Variants in CMSS1 observed in about 807,000 individuals in gnomAD.
The protein encoded by CMSS1 is protein CMSS1.
In CMSS1, 33 loss-of-function variants were observed where a neutral mutation model predicts 43.5. The ratio of observed to expected loss-of-function variants is 0.76; its 90% CI spans 0.57 to 1.01. CMSS1 has a LOEUF of 1.01. CMSS1 is among the 50% of genes least tolerant of loss of function. The pLI is 0.00. For missense variants in CMSS1, 313 were observed against 326.4 expected (o/e 0.96, Z 0.32); for synonymous variants, 115 against 117.2 (o/e 0.98, Z 0.12).
chr3:99,973,108 CA>C (rs1339400808), intron 1 of CMSS1, among the ~76,000 whole-genome samples: 1 of 152,052 alleles, frequency 6.6e-6, no homozygotes, highest in Non-Finnish European at 1.5e-5. Context: ...AGATGAAGGG[CA>C]AAATGAGGCC....
intron 1 of CMSS1, among the ~76,000 whole-genome samples, chr3:100,124,563 G>C (rs551242901): frequency 6.6e-6 from 1 of 152,294 alleles, no homozygotes; most frequent in South Asian, 2.1e-4. Context: ...GTGATTAGGA[G>C]CCTGCAGCAA....
chr3:100,103,922 C>T (rs144272417), intron 1 of CMSS1, among the ~76,000 whole-genome samples: 8 of 152,266 alleles, frequency 5.3e-5, no homozygotes, highest in African/African-American at 1.4e-4. Context: ...ATCATGAGCA[C>T]GGGTCTGCCA....
intron 1 of CMSS1, among the ~76,000 whole-genome samples, chr3:99,897,593 C>G (rs958108623): frequency 2.0e-5 from 3 of 152,050 alleles, no homozygotes; most frequent in East Asian, 1.9e-4. Context: ...AATGGGATGC[C>G]TTATGATGGA....
Position 99,966,784 on chromosome 3 carries a change from G to A in CMSS1, c.64+148741G>A, listed in dbSNP as rs185504762. The stretch of plus-strand genomic sequence containing the variant: ...ATCTCTGTAAAGTTATATGGGCCAC[G>A]TATACAAGACGTAACTGAAGAAAAT... On this transcript the variant is annotated intron_variant, in intron 1 of 9. Transcript: ENST00000421999. Among the ~76,000 whole-genome samples, 544 of 152,270 alleles carry A rather than the reference G, an allele frequency of 3.6e-3. 7 individuals carry two copies. Among genetic ancestry groups the A allele is most frequent in the Non-Finnish European group, 5.3e-3 (362 of 68,038 alleles).
chr3:100,144,433 T>C (rs572396722), intron 1 of CMSS1, among the ~76,000 whole-genome samples: 2 of 152,302 alleles, frequency 1.3e-5, no homozygotes, highest in East Asian at 3.9e-4. Flanking sequence ...TCACCATTGA[T>C]ACTGCAGTGG....
intron 1 of CMSS1, among the ~76,000 whole-genome samples, chr3:99,941,994 T>G (rs1707863193): frequency 6.6e-6 from 1 of 152,044 alleles, no homozygotes; most frequent in South Asian, 2.1e-4. Flanking sequence ...TATTAAGAAT[T>G]TACTGTTTTC....
At chr3:100,109,135 C>G (rs1312568308) in intron 1 of CMSS1, among the ~76,000 whole-genome samples, 2 of 150,292 alleles carry the variant, frequency 1.3e-5, no homozygotes, top group Non-Finnish European at 3.0e-5. Context: ...TCTCAGGCCT[C>G]AATTCTTCCG....
intron 1 of CMSS1, among the ~76,000 whole-genome samples, chr3:100,010,501 T>G (rs1710113050): frequency 6.6e-6 from 1 of 152,144 alleles, no homozygotes; most frequent in Admixed American, 6.5e-5. Context: ...CTTCAGAGAA[T>G]CCAACTAAGA....
chr3:100,163,256 A>G (rs1377911082), intron 4 of CMSS1, among the ~76,000 whole-genome samples: 1 of 152,246 alleles, frequency 6.6e-6, no homozygotes, highest in East Asian at 1.9e-4. Context: ...TTACTCAACT[A>G]TTATAGACAA....
intron 1 of CMSS1, among the ~76,000 whole-genome samples, chr3:100,041,766 G>T (rs1167688107): frequency 4.6e-5 from 7 of 152,150 alleles, no homozygotes; most frequent in African/African-American, 1.7e-4. Flanking sequence ...AGACCTACCA[G>T]AGATCTTTTA....
At position 99,930,140 on chromosome 3, in the gene CMSS1, A is replaced by T; in HGVS notation, c.64+112097A>T. The T allele has an allele frequency of 3.5e-6, 3 of 850,178 alleles. No homozygotes were observed. In the South Asian group the frequency reaches 5.5e-5, roughly 16 times the overall value. The allele number at this position is 850,178 out of a possible 1,614,324, so 52.7% of individuals were successfully genotyped here. A position where few individuals can be genotyped will look rare whatever the true frequency, so the allele number is the denominator to read the frequency against. On this transcript the variant is annotated intron_variant, in intron 1 of 9. Transcript: ENST00000421999. The stretch of plus-strand genomic sequence containing the variant: ...TTTCTTCTCTTTCAAATCTAAATGA[A>T]TCATATTTCATTTTCACACTTTTAT...
At chr3:100,007,076 G>A (rs1300996717) in intron 1 of CMSS1, among the ~76,000 whole-genome samples, 5 of 152,120 alleles carry the variant, frequency 3.3e-5, no homozygotes, top group Admixed American at 3.3e-4. Flanking sequence ...CCATCTTGTG[G>A]CCTACAGTTT....
intron 1 of CMSS1, among the ~76,000 whole-genome samples, chr3:100,023,038 GGT>G (rs2064854326): frequency 6.6e-6 from 1 of 152,086 alleles, no homozygotes; most frequent in Admixed American, 6.6e-5. Context: ...ATGAGTTTCA[GGT>G]GTTTTAACCA....
intron 1 of CMSS1, among the ~76,000 whole-genome samples, chr3:99,843,135 A>G (rs1163159804): frequency 2.0e-5 from 3 of 152,226 alleles, no homozygotes; most frequent in African/African-American, 7.2e-5. Context: ...TCACTGTGCC[A>G]TAAGTTGAAT....
intron 1 of CMSS1, among the ~76,000 whole-genome samples, chr3:99,920,570 A>G (rs965708985): frequency 2.6e-5 from 4 of 152,238 alleles, no homozygotes; most frequent in African/African-American, 9.6e-5. Flanking sequence ...ATAGAATATT[A>G]CCATATGGAC....
At chr3:99,954,422 A>T (rs1034822983) in intron 1 of CMSS1, among the ~76,000 whole-genome samples, 2 of 152,248 alleles carry the variant, frequency 1.3e-5, no homozygotes, top group Non-Finnish European at 2.9e-5. Context: ...AACAAGGGAC[A>T]TTAGGAAACT....
intron 1 of CMSS1, among the ~76,000 whole-genome samples, chr3:99,873,888 T>G (rs572048695): frequency 6.6e-6 from 1 of 152,300 alleles, no homozygotes; most frequent in African/African-American, 2.4e-5. Flanking sequence ...GCAAATGAAC[T>G]TACTAAGCAT....
intron 6 of CMSS1, among the ~76,000 whole-genome samples, chr3:100,168,880 T>C (rs143669771): frequency 6.6e-4 from 99 of 149,112 alleles, no homozygotes; most frequent in African/African-American, 1.5e-3. Context: ...TATATATATA[T>C]ACACACACAC....
At chr3:100,050,554 C>G (rs2065353990) in intron 1 of CMSS1, among the ~76,000 whole-genome samples, 1 of 152,102 alleles carries the variant, frequency 6.6e-6, no homozygotes, top group Non-Finnish European at 1.5e-5. Flanking sequence ...TGTTTTGAGA[C>G]AGAGTCTCGC....
Sources: allele counts gnomAD v4.1 joint callset (sites outside exome capture counted in the v4.1 genomes callset), GRCh38; gene constraint gnomAD v4.1.1; transcripts MANE v1.5; gene names NCBI Gene and HGNC (gene_info 2026-07-23, HGNC 2026-07-21).